Variants in EPHA6 observed in about 807,000 individuals in gnomAD.
EPHA6 encodes EPH receptor A6, also known as ephrin type-A receptor 6.
Under a neutral mutation model 112.0 loss-of-function variants are expected in EPHA6, and 50 were observed. That is an observed-to-expected ratio of 0.45 (90% confidence interval 0.36 to 0.56). EPHA6 has a LOEUF of 0.56. Ranked by LOEUF, EPHA6 falls within the 20% of genes least tolerant of loss-of-function variation. The pLI is 0.00. For synonymous variants in EPHA6, 529 were observed against 490.7 expected (o/e 1.08, Z -1.03); for missense variants, 1,280 against 1,417.4 (o/e 0.90, Z 1.56).
intron 1 of EPHA6, among the ~76,000 whole-genome samples, chr3:96,822,331 C>T (rs1320874581): frequency 6.6e-6 from 1 of 151,726 alleles, no homozygotes; most frequent in African/African-American, 2.4e-5. Context: ...AATTTCAAAT[C>T]GTAGCAATTG....
At chr3:97,323,389 G>T (rs2082214107) in intron 5 of EPHA6, among the ~76,000 whole-genome samples, 1 of 151,800 alleles carries the variant, frequency 6.6e-6, no homozygotes, top group Admixed American at 6.6e-5. Flanking sequence ...CTATTAAACC[G>T]ATGTGAGTTA....
At chr3:97,435,884 C>T (rs2089807138) in intron 6 of EPHA6, among the ~76,000 whole-genome samples, 2 of 152,088 alleles carry the variant, frequency 1.3e-5, no homozygotes, top group African/African-American at 4.8e-5. Context: ...TTACTCTACT[C>T]GCATTTAAAA....
At chr3:96,815,863 A>T (rs984270692) in intron 1 of EPHA6, among the ~76,000 whole-genome samples, 1 of 152,202 alleles carries the variant, frequency 6.6e-6, no homozygotes, top group African/African-American at 2.4e-5. Context: ...TGCATATTCT[A>T]AGTCCTTTCA....
intron 6 of EPHA6, among the ~76,000 whole-genome samples, chr3:97,438,640 AG>A (rs1316664149): frequency 6.6e-6 from 1 of 152,192 alleles, no homozygotes; most frequent in Non-Finnish European, 1.5e-5. Flanking sequence ...AAGGTTAAAA[AG>A]CAAGTAAACA....
chr3:97,742,291 G>A (rs1576388317), intron 16 of EPHA6, among the ~76,000 whole-genome samples: 2 of 152,208 alleles, frequency 1.3e-5, no homozygotes, highest in East Asian at 3.9e-4. Context: ...CCTATTTTCT[G>A]ATCCTGGATT....
At chr3:97,699,794 T>C (rs1277983809) in intron 14 of EPHA6, among the ~76,000 whole-genome samples, 1 of 152,246 alleles carries the variant, frequency 6.6e-6, no homozygotes, top group Non-Finnish European at 1.5e-5. Context: ...ACTTCCCTTA[T>C]GCCACCATTT....
chr3:97,717,457 A>G (rs1449344790), intron 14 of EPHA6, among the ~76,000 whole-genome samples: 1 of 152,190 alleles, frequency 6.6e-6, no homozygotes, highest in African/African-American at 2.4e-5. Flanking sequence ...TCCAAGATCA[A>G]GGTGCTGACA....
At chr3:97,115,247 C>T (rs1432014245) in intron 3 of EPHA6, among the ~76,000 whole-genome samples, 10 of 151,476 alleles carry the variant, frequency 6.6e-5, no homozygotes, top group Admixed American at 5.3e-4. Context: ...GGTCATATTA[C>T]GTAGAACAGA....
rs544970966 is a variant in EPHA6 at position 96,816,044 on chromosome 3, G to A, written c.385+1036G>A. On this transcript the variant is annotated intron_variant, in intron 1 of 17. Coordinates refer to ENST00000389672, the MANE Select transcript of EPHA6 (RefSeq NM_001080448.3). ...ATGTTTCAGAGTCTCGAAGTAATTT[G>A]CAGGTATAAAAATGGAGGTCAGATG... Among the ~76,000 whole-genome samples, 140 of 152,236 alleles carry A rather than the reference G, an allele frequency of 9.2e-4. 1 individual carries two copies. Among genetic ancestry groups the A allele is most frequent in the African/African-American group, 2.8e-3 (117 of 41,540 alleles).
At chr3:97,130,383 T>C (rs2108325324) in intron 3 of EPHA6, among the ~76,000 whole-genome samples, 1 of 148,912 alleles carries the variant, frequency 6.7e-6, no homozygotes, top group Non-Finnish European at 1.5e-5. Context: ...TTTGCTTTTA[T>C]TGTAAATTGG....
intron 11 of EPHA6, among the ~76,000 whole-genome samples, chr3:97,577,857 T>C (rs1209863166): frequency 2.0e-5 from 3 of 152,130 alleles, no homozygotes; most frequent in Non-Finnish European, 4.4e-5. Flanking sequence ...AGTAGAGTAA[T>C]ATTTGGGTCT....
At position 97,755,213 on chromosome 3, in the gene EPHA6, A is replaced by C. The variant is rs907983999; in HGVS notation, c.*6512A>C. 7.2e-5 allele frequency among the ~76,000 whole-genome samples: 11 copies of C among 152,210 alleles called. No individual in the cohort carries two copies. The highest frequency in any genetic ancestry group is 1.3e-4 in the Non-Finnish European group (9 of 68,024). Reference sequence around the variant, plus strand: ...AAGAAAAATCACTTGACAGATGAGGAGGAAAAGTAGCTCTTAAATGTTAAA... The same window carrying C: ...AAGAAAAATCACTTGACAGATGAGGCGGAAAAGTAGCTCTTAAATGTTAAA... On this transcript the variant is annotated 3_prime_UTR_variant, in exon 18 of 18. Coordinates refer to ENST00000389672, the MANE Select transcript of EPHA6 (RefSeq NM_001080448.3).
intron 5 of EPHA6, among the ~76,000 whole-genome samples, chr3:97,309,648 CT>C (rs1559869868): frequency 6.6e-6 from 1 of 151,372 alleles, no homozygotes; most frequent in African/African-American, 2.4e-5. Context: ...CTTTAATTAT[CT>C]TTTTTATTTC....
rs372822592 is a variant in EPHA6 at position 97,129,094 on chromosome 3, A to G, written c.1115-97170A>G. Among the ~76,000 whole-genome samples, 74 of 152,012 alleles carry G rather than the reference A, an allele frequency of 4.9e-4. 1 individual carries two copies. The highest frequency in any genetic ancestry group is 1.5e-3 in the African/African-American group (63 of 41,480). ...TTCATCATGTCGTCCAGGCTGGTTT[A>G]GAACTGCCCATCTTGGCCTCTGAAA... is the stretch of plus-strand genomic sequence containing the variant. On this transcript the variant is annotated intron_variant, in intron 3 of 17. Transcript: ENST00000389672.
chr3:97,009,424 G>A (rs1166578894), intron 3 of EPHA6, among the ~76,000 whole-genome samples: 1 of 152,214 alleles, frequency 6.6e-6, no homozygotes, highest in African/African-American at 2.4e-5. Context: ...GGGCTGTGGG[G>A]ACAAGTCTTG....
intron 2 of EPHA6, among the ~76,000 whole-genome samples, chr3:96,941,005 G>A (rs532707270): frequency 5.9e-5 from 9 of 152,230 alleles, no homozygotes; most frequent in East Asian, 3.9e-4. Flanking sequence ...TGGGTAACCC[G>A]ACCTTTCTCT....
chr3:97,042,633 T>C (rs979239208), intron 3 of EPHA6, among the ~76,000 whole-genome samples: 2 of 152,062 alleles, frequency 1.3e-5, no homozygotes, highest in Admixed American at 1.3e-4. Flanking sequence ...GGTGCTCGCC[T>C]CCCTGTAGAT....
intron 14 of EPHA6, among the ~76,000 whole-genome samples, chr3:97,716,725 C>T (rs1480112770): frequency 6.6e-6 from 1 of 152,180 alleles, no homozygotes; most frequent in East Asian, 1.9e-4. Flanking sequence ...ATATATCCTC[C>T]CATTGGAACA....
chr3:97,043,017 T>C (rs2045370603), intron 3 of EPHA6, among the ~76,000 whole-genome samples: 1 of 152,172 alleles, frequency 6.6e-6, no homozygotes, highest in South Asian at 2.1e-4. Context: ...AACTGTCTTA[T>C]TGCAAACCAC....
Sources: allele counts gnomAD v4.1 joint callset (sites outside exome capture counted in the v4.1 genomes callset), GRCh38; gene constraint gnomAD v4.1.1; transcripts MANE v1.5; gene names NCBI Gene and HGNC (gene_info 2026-07-23, HGNC 2026-07-21).